The following ANKRD30A variants were observed in gnomAD, a reference collection of about 807,000 sequenced individuals.
ANKRD30A encodes ankyrin repeat domain 30A.
ANKRD30A carries 170 observed loss-of-function variants against 166.3 expected under a neutral mutation model. That is an observed-to-expected ratio of 1.02 (90% CI 0.90 to 1.16). The LOEUF (loss-of-function observed/expected upper bound fraction) is 1.16. Ranked by LOEUF, ANKRD30A falls within the 50% of genes most tolerant of loss-of-function variation. ANKRD30A has a pLI of 0.00. For missense variants in ANKRD30A, 1,630 were observed against 1,518.0 expected (o/e 1.07, Z -1.23); for synonymous variants, 564 against 508.9 (o/e 1.11, Z -1.46).
chr10:37,261,055 A>G, the ANKRD30A span, among the ~76,000 whole-genome samples: 1 of 152,200 alleles, frequency 6.6e-6, no homozygotes, highest in Non-Finnish European at 1.5e-5. Context: ...GTTGAAAAAA[A>G]TATAAAAGAA....
intron 5 of ANKRD30A, among the ~76,000 whole-genome samples, chr10:37,134,842 C>T (rs1836583044): frequency 2.0e-5 from 3 of 152,180 alleles, no homozygotes; most frequent in Admixed American, 6.5e-5. Flanking sequence ...TAGTTTAAAA[C>T]TGTAAGTCAG....
At chr10:37,199,345 G>A (rs190807998) in intron 29 of ANKRD30A, among the ~76,000 whole-genome samples, 72 of 152,056 alleles carry the variant, frequency 4.7e-4, no homozygotes, top group African/African-American at 1.6e-3. Context: ...GTCAATCAAC[G>A]TAAGTAATAC....
chr10:37,257,468 C>G, the ANKRD30A span, among the ~76,000 whole-genome samples: 2 of 152,056 alleles, frequency 1.3e-5, no homozygotes, highest in African/African-American at 4.8e-5. Context: ...TCTTGCTTCT[C>G]TAGTTCTTTT....
the ANKRD30A span, among the ~76,000 whole-genome samples, chr10:37,239,321 CT>C: frequency 3.3e-5 from 5 of 151,976 alleles, no homozygotes; most frequent in Non-Finnish European, 7.4e-5. Flanking sequence ...TATATTTATC[CT>C]TTTTTCAATC....
downstream of ANKRD30A, among the ~76,000 whole-genome samples, chr10:37,233,606 GGGT>G (rs1439459962): frequency 6.6e-6 from 1 of 152,086 alleles, no homozygotes; most frequent in Non-Finnish European, 1.5e-5. Context: ...AAGGAGTGCA[GGGT>G]TTCTTTGTGC....
chr10:37,141,235 T>C (rs977418081), intron 6 of ANKRD30A, among the ~76,000 whole-genome samples: 1 of 152,130 alleles, frequency 6.6e-6, no homozygotes, highest in Non-Finnish European at 1.5e-5. Context: ...ATTCAGCATG[T>C]GTCAGACCTT....
intron 9 of ANKRD30A, among the ~76,000 whole-genome samples, chr10:37,147,790 G>C (rs1179099937): frequency 6.0e-5 from 9 of 151,162 alleles, no homozygotes; most frequent in Non-Finnish European, 1.3e-4. Flanking sequence ...CAAGAAGCAG[G>C]TTTATATAAT....
chr10:37,227,129 T>A (rs1295829270), intron 34 of ANKRD30A, among the ~76,000 whole-genome samples: 1 of 151,936 alleles, frequency 6.6e-6, no homozygotes, highest in Admixed American at 6.6e-5. Context: ...TTTACTTTAC[T>A]GTTAGTATAT....
At chr10:37,147,202 T>C (rs937258117) in intron 8 of ANKRD30A, among the ~76,000 whole-genome samples, 168 bp from the exon 9 acceptor site, 8 of 77,946 alleles carry the variant, frequency 1.0e-4, no homozygotes, top group South Asian at 4.1e-4. Flanking sequence ...TTGATATAGA[T>C]AGCATGTGTG....
At chr10:37,136,987 T>C (rs1275744798) in intron 6 of ANKRD30A, among the ~76,000 whole-genome samples, 1 of 151,984 alleles carries the variant, frequency 6.6e-6, no homozygotes, top group Non-Finnish European at 1.5e-5. Context: ...AATACTTTTG[T>C]ATAAATAACG....
At chr10:37,189,856 G>A (rs1334227074) in intron 25 of ANKRD30A, among the ~76,000 whole-genome samples, 3 of 151,366 alleles carry the variant, frequency 2.0e-5, no homozygotes, top group South Asian at 2.1e-4. Context: ...GAAAGACAGA[G>A]CGTACAGAGA....
At position 37,133,955 on chromosome 10, in the gene ANKRD30A, G is replaced by C. The variant is rs763071668; in HGVS notation, c.657G>C (p.Glu219Asp). The C allele has an allele frequency of 1.2e-5, 20 of 1,614,136 alleles. No individual in the cohort carries two copies. Among genetic ancestry groups the C allele is most frequent in the Non-Finnish European group, 1.7e-5 (20 of 1,179,974 alleles). Residue 219 changes from glutamate to aspartate, a missense_variant, in exon 5 of 36, where the codon GAG becomes GAC. Physicochemically the swap from Glu to Asp is conservative, Grantham distance 45 (BLOSUM62 2). Around this residue, in one of 4 missense-constraint regions of ANKRD30A, gnomAD observed 904 missense variants for 818.5 expected, o/e 1.10. Coordinates refer to ENST00000361713, the MANE Select transcript of ANKRD30A (RefSeq NM_052997.3). ...LMLAVCHGSSEIVGMLLQQNV... is the reference protein window; with the variant it reads ...LMLAVCHGSSDIVGMLLQQNV... Reference sequence around the variant, plus strand: ...TTGCTGTATGTCATGGATCATCAGAGATAGTTGGCATGCTTCTTCAGCAAA... The same window carrying C: ...TTGCTGTATGTCATGGATCATCAGACATAGTTGGCATGCTTCTTCAGCAAA...
At chr10:37,130,162 T>C (rs11011046) in intron 2 of ANKRD30A, 43 bp from the exon 3 acceptor site, 2 of 1,261,898 alleles carry the variant, frequency 1.6e-6, no homozygotes, top group Non-Finnish European at 2.1e-6. Context: ...ATTTATATTA[T>C]AAATTATACA....
intron 27 of ANKRD30A, among the ~76,000 whole-genome samples, chr10:37,195,165 C>G (rs868760405): frequency 4.6e-5 from 7 of 152,098 alleles, no homozygotes; most frequent in Non-Finnish European, 8.8e-5. Context: ...TTCAAAAATG[C>G]ATAAGGTTTT....
intron 29 of ANKRD30A, 42 bp from the exon 30 acceptor site, chr10:37,199,685 A>G (rs775272405): frequency 7.7e-7 from 1 of 1,306,108 alleles, no homozygotes; most frequent in South Asian, 1.2e-5. Context: ...TGTATAGTAG[A>G]GAAATGTTCT....
intron 34 of ANKRD30A, among the ~76,000 whole-genome samples, chr10:37,220,266 A>G (rs1256479750): frequency 2.7e-5 from 4 of 150,814 alleles, no homozygotes; most frequent in African/African-American, 9.7e-5. Flanking sequence ...TATGACCACA[A>G]TGAAGCAGAT....
chr10:37,159,069 C>T (rs1217524166), intron 15 of ANKRD30A, among the ~76,000 whole-genome samples: 1 of 152,082 alleles, frequency 6.6e-6, no homozygotes, highest in Non-Finnish European at 1.5e-5. Context: ...GTCAAGCAAT[C>T]ATTACTTGAT....
chr10:37,129,332 A>G (rs1019654773), intron 1 of ANKRD30A, among the ~76,000 whole-genome samples: 2 of 152,252 alleles, frequency 1.3e-5, no homozygotes, highest in Admixed American at 6.5e-5. Flanking sequence ...ATGTTAAAAT[A>G]TGAGAAATTG....
chr10:37,162,531 A>G (rs1241422880), intron 15 of ANKRD30A, 118 bp from the exon 16 acceptor site: 4 of 1,341,944 alleles, frequency 3.0e-6, no homozygotes, highest in African/African-American at 1.5e-5. Context: ...TTCCAAATCT[A>G]AAGTATTCAT....
Sources: allele counts gnomAD v4.1 joint callset (sites outside exome capture counted in the v4.1 genomes callset), GRCh38; gene constraint gnomAD v4.1.1; regional missense constraint gnomAD v4.1.1; transcripts MANE v1.5; gene names NCBI Gene and HGNC (gene_info 2026-07-23, HGNC 2026-07-21).